Variants in GINS2 observed in about 807,000 individuals in gnomAD.
The protein encoded by GINS2 is DNA replication complex GINS protein PSF2.
Under a neutral mutation model 21.2 loss-of-function variants are expected in GINS2, and 23 were observed. The ratio of observed to expected loss-of-function variants is 1.08; its 90% CI spans 0.78 to 1.53. The LOEUF is 1.53. GINS2 is among the 40% of genes most tolerant of loss of function. The probability of loss-of-function intolerance (pLI) is 0.00; values close to 1 mark genes in which losing one functional copy is unlikely to be tolerated. For synonymous variants in GINS2, 118 were observed against 85.6 expected (o/e 1.38, Z -2.09); for missense variants, 323 against 233.9 (o/e 1.38, Z -2.49).
In GINS2 at chr16:85,676,618, G is replaced by GGCTCAGCCTGTGT. The variant is rs2053674316; in HGVS notation, c.*1593_*1594insACACAGGCTGAGC. On this transcript the variant is annotated 3_prime_UTR_variant, in exon 5 of 5. Coordinates refer to ENST00000253462, the MANE Select transcript of GINS2 (RefSeq NM_016095.3). ...GCAGATGCTGGGTGATAAGTCTTTA[G>GGCTCAGCCTGTGT]GCTCAGCCTGTCACACATGCGCATT... is the stretch of plus-strand genomic sequence containing the variant. The GGCTCAGCCTGTGT allele has an allele frequency of 6.6e-6, 1 of 152,218 alleles. No individual in the cohort carries two copies. The highest frequency in any genetic ancestry group is 2.4e-5 in the African/African-American group (1 of 41,458). 9.4% of individuals were successfully genotyped at this position (152,218 alleles called of 1,614,324 possible). A position where few individuals can be genotyped will look rare whatever the true frequency, so the allele number is the denominator to read the frequency against.
chr16:85,685,678 A>AC (rs2053769111), intron 2 of GINS2, among the ~76,000 whole-genome samples: 1 of 143,896 alleles, frequency 6.9e-6, no homozygotes, highest in Non-Finnish European at 1.5e-5. Context: ...CTCAAAAAAA[A>AC]AAAAAAAAAA....
intron 4 of GINS2, 43 bp from the exon 5 acceptor site, chr16:85,678,380 TTTTG>T: frequency 6.2e-7 from 1 of 1,608,644 alleles, no homozygotes; most frequent in Non-Finnish European, 8.5e-7. Flanking sequence ...GAGTTTTTGA[TTTTG>T]AGAAAAAGGT....
chr16:85,676,656 C>G lies in GINS2; in HGVS notation c.*1556G>C, dbSNP rs966227163. 6.6e-6 allele frequency: 1 copy of G among 152,254 alleles called. No individual in the cohort carries two copies. The highest frequency in any genetic ancestry group is 2.4e-5 in the African/African-American group (1 of 41,450). The allele number at this position is 152,254 out of a possible 1,614,324, so 9.4% of individuals were successfully genotyped here. A position where few individuals can be genotyped will look rare whatever the true frequency, so the allele number is the denominator to read the frequency against. On this transcript the variant is annotated 3_prime_UTR_variant, in exon 5 of 5. Coordinates refer to ENST00000253462, the MANE Select transcript of GINS2 (RefSeq NM_016095.3). ...ACACATGCGCATTCTCAGAGCTCCC[C>G]AGACAGCACCCCACTGCTTTTGGCC...
intron 2 of GINS2, 63 bp from the exon 3 acceptor site, chr16:85,681,744 A>G (rs768737805): frequency 1.1e-5 from 11 of 1,006,022 alleles, no homozygotes; most frequent in Non-Finnish European, 1.7e-5. Context: ...TAAACCTTCC[A>G]AATTTACCAA....
chr16:85,685,312 C>G (rs35444818), intron 2 of GINS2, among the ~76,000 whole-genome samples: 2 of 151,938 alleles, frequency 1.3e-5, no homozygotes, highest in South Asian at 2.1e-4. Context: ...GTGCCAGACA[C>G]TGATTTTAAA....
Position 85,678,683 on chromosome 16 carries a change from T to TA in GINS2, c.306-18dup. 2.5e-6 allele frequency: 4 copies of TA among 1,611,686 alleles called. No homozygotes were observed. The highest frequency in any genetic ancestry group is 3.4e-6 in the Non-Finnish European group (4 of 1,178,598). ...TCTGAAGCACTAAAGGAGCAAGGGCTAAAGTCAGTCGGGGAACACTTGATA... is the reference window on the plus strand; with the variant it reads ...TCTGAAGCACTAAAGGAGCAAGGGCTAAAAGTCAGTCGGGGAACACTTGATA... On this transcript the variant is annotated splice_polypyrimidine_tract_variant and intron_variant, in intron 3 of 4. Transcript: ENST00000253462.
chr16:85,677,914 C>T lies in GINS2; in HGVS notation c.*298G>A. ...AGTGTGATGGCTTCCATGCAGGAGA[C>T]CCAAGTGGCTCTGCTAGGGAGAATG... On this transcript the variant is annotated 3_prime_UTR_variant, in exon 5 of 5. Transcript: ENST00000253462. 3.7e-6 allele frequency: 1 copy of T among 271,100 alleles called. No homozygotes were observed. Among genetic ancestry groups the T allele is most frequent in the South Asian group, 5.0e-5 (1 of 20,140 alleles). The allele number at this position is 271,100 out of a possible 1,614,324, so 16.8% of individuals were successfully genotyped here.
chr16:85,682,122 G>T (rs2053739193), intron 2 of GINS2, among the ~76,000 whole-genome samples: 1 of 145,652 alleles, frequency 6.9e-6, no homozygotes, highest in Admixed American at 7.0e-5. Context: ...AACCTCCTGG[G>T]CTCAAGCAAT....
At chr16:85,684,134 G>A (rs566965737) in intron 2 of GINS2, among the ~76,000 whole-genome samples, 8 of 152,114 alleles carry the variant, frequency 5.3e-5, no homozygotes, top group African/African-American at 7.2e-5. Context: ...TGGAAGCCCC[G>A]GAGTTCAAAA....
In GINS2 at chr16:85,676,295, G is replaced by A. The variant is rs2053666665; in HGVS notation, c.*1917C>T. On this transcript the variant is annotated 3_prime_UTR_variant, in exon 5 of 5. Coordinates refer to ENST00000253462, the MANE Select transcript of GINS2 (RefSeq NM_016095.3). ...CTCCGCAGACGGAGCTGCCTCCACT[G>A]GCTCAGGCTCTAAGAGGAGGGCATT... is the stretch of plus-strand genomic sequence containing the variant. 1 of 152,244 alleles carries A rather than the reference G, an allele frequency of 6.6e-6. No homozygotes were observed. Among genetic ancestry groups the A allele is most frequent in the Admixed American group, 6.5e-5 (1 of 15,274 alleles). The allele number at this position is 152,244 out of a possible 1,614,324, so 9.4% of individuals were successfully genotyped here.
intron 3 of GINS2, among the ~76,000 whole-genome samples, chr16:85,680,043 T>C (rs2053718515): frequency 6.6e-6 from 1 of 152,218 alleles, no homozygotes; most frequent in African/African-American, 2.4e-5. Flanking sequence ...CAAACCTCTG[T>C]GAGCCCTCTC....
At position 85,678,520 on chromosome 16, in the gene GINS2, C is replaced by G. The variant is rs905044952; in HGVS notation, c.432+20G>C. On this transcript the variant is annotated intron_variant, in intron 4 of 4. Transcript: ENST00000253462. ...TATGCGGCATCAAGGCCACCAGCAC[C>G]CAGGCAAGGCGGCACCTACCTTGGC... The G allele has an allele frequency of 5.6e-6, 9 of 1,610,100 alleles. No homozygotes were observed. Among genetic ancestry groups the G allele is most frequent in the Non-Finnish European group, 7.6e-6 (9 of 1,178,046 alleles).
Position 85,678,355 on chromosome 16 carries a change from A to G in GINS2, c.433-18T>C, listed in dbSNP as rs367844466. ...TTATCCAGCTAAAGCAAGAAAACAGACCAAGTTGGCCAAGGAGTTTTTGAT... is the reference window on the plus strand; with the variant it reads ...TTATCCAGCTAAAGCAAGAAAACAGGCCAAGTTGGCCAAGGAGTTTTTGAT... On this transcript the variant is annotated intron_variant, in intron 4 of 4. Transcript: ENST00000253462. The G allele has an allele frequency of 2.2e-5, 36 of 1,613,130 alleles. No homozygotes were observed. The East Asian group carries it at 5.3e-4, about 24-fold the overall frequency.
rs1486437837 is a variant in GINS2, at chr16:85,677,043, T to TC, written c.*1168_*1169insG. 3 of 151,864 alleles carry TC rather than the reference T, an allele frequency of 2.0e-5. 1 individual carries two copies. In the East Asian group the frequency reaches 5.8e-4, roughly 29 times the overall value. 9.4% of individuals were successfully genotyped at this position (151,864 alleles called of 1,614,324 possible). A position where few individuals can be genotyped will look rare whatever the true frequency, so the allele number is the denominator to read the frequency against. ...CCACACCTGGCAAATTTTTTTTTTT[T>TC]TGTATTTTTAATAGAGACGGGGTTT... On this transcript the variant is annotated 3_prime_UTR_variant, in exon 5 of 5. Transcript: ENST00000253462.
At chr16:85,687,729 C>T (rs2053789966) in intron 1 of GINS2, 155 bp from the exon 2 acceptor site, 1 of 434,494 alleles carries the variant, frequency 2.3e-6, no homozygotes, top group Non-Finnish European at 4.3e-6. Flanking sequence ...CAGAACAAAG[C>T]GCCTCCTGAG....
intron 3 of GINS2, 86 bp from the exon 4 acceptor site, chr16:85,678,752 A>G: frequency 7.7e-7 from 1 of 1,306,032 alleles, no homozygotes. Context: ...CAGGCAAAAT[A>G]CCGTGGCTAT....
At position 85,677,896 on chromosome 16, in the gene GINS2, T is replaced by C. The variant is rs9534; in HGVS notation, c.*316A>G. On this transcript the variant is annotated 3_prime_UTR_variant, in exon 5 of 5. Transcript: ENST00000253462. Reference sequence around the variant, plus strand: ...TCACTGAACACCTGCCCAAGTGTGATGGCTTCCATGCAGGAGACCCAAGTG... The same window carrying C: ...TCACTGAACACCTGCCCAAGTGTGACGGCTTCCATGCAGGAGACCCAAGTG... The C allele has an allele frequency of 0.35, 82,428 of 234,650 alleles. 15,343 individuals carry two copies. Among genetic ancestry groups the C allele is most frequent in the African/African-American group, 0.48 (21,007 of 43,356 alleles). The allele number at this position is 234,650 out of a possible 1,614,324, so 14.5% of individuals were successfully genotyped here. A position where few individuals can be genotyped will look rare whatever the true frequency, so the allele number is the denominator to read the frequency against.
chr16:85,683,616 T>TC (rs907925051), intron 2 of GINS2, among the ~76,000 whole-genome samples: 14 of 152,260 alleles, frequency 9.2e-5, no homozygotes, highest in African/African-American at 3.4e-4. Flanking sequence ...CCATGGCCAG[T>TC]CCTTCAGCCA....
intron 3 of GINS2, among the ~76,000 whole-genome samples, chr16:85,680,380 A>T (rs1432031030): frequency 1.3e-5 from 2 of 152,140 alleles, no homozygotes; most frequent in Non-Finnish European, 2.9e-5. Flanking sequence ...TAGTGTCACA[A>T]TTTTTTATTC....
Sources: gnomAD v4.1 joint callset for allele counts (sites outside exome capture counted in the v4.1 genomes callset) on GRCh38, gnomAD v4.1.1 for gene constraint, MANE v1.5 for transcripts, NCBI Gene and HGNC (gene_info 2026-07-23, HGNC 2026-07-21) for gene names.